DLG2: variants seen among roughly 807,000 people sequenced by gnomAD.
DLG2 encodes the protein disks large homolog 2.
A neutral mutation model predicts 132.5 loss-of-function variants in DLG2; 45 were observed. The observed-to-expected ratio is 0.34, with a 90% CI of 0.27 to 0.44. DLG2 has a LOEUF of 0.44. Ranked by LOEUF, DLG2 falls within the 20% of genes least tolerant of loss-of-function variation. The pLI is 1.00. For synonymous variants in DLG2, 424 were observed against 419.6 expected, an observed-to-expected ratio of 1.01 and a Z score of -0.13; for missense variants, 1,045 against 1,196.9, an observed-to-expected ratio of 0.87 and a Z score of 1.87.
chr11:84,376,791 A>C (rs2098731078), intron 7 of DLG2, among the ~76,000 whole-genome samples: 1 of 151,988 alleles, frequency 6.6e-6, no homozygotes, highest in African/African-American at 2.4e-5. Flanking sequence ...AATTAAAAAG[A>C]ATTAAACATC....
chr11:84,356,884 T>C (rs994023809), intron 7 of DLG2, among the ~76,000 whole-genome samples: 4 of 152,002 alleles, frequency 2.6e-5, no homozygotes, highest in African/African-American at 9.7e-5. Flanking sequence ...GAATGAGTCA[T>C]GTGAATATTT....
At chr11:83,676,633 A>G (rs1191716489) in intron 18 of DLG2, among the ~76,000 whole-genome samples, 1 of 152,200 alleles carries the variant, frequency 6.6e-6, no homozygotes, top group Non-Finnish European at 1.5e-5. Flanking sequence ...AGGAATTGCT[A>G]TGTCTGCTTT....
chr11:85,307,824 T>TAA (rs1329355296), intron 3 of DLG2, among the ~76,000 whole-genome samples: 4 of 152,152 alleles, frequency 2.6e-5, no homozygotes, highest in African/African-American at 9.7e-5. Flanking sequence ...ATATTAGACT[T>TAA]ACAATGTTTT....
chr11:83,483,872 G>A (rs1339577833), intron 22 of DLG2, among the ~76,000 whole-genome samples: 2 of 152,104 alleles, frequency 1.3e-5, no homozygotes, highest in East Asian at 3.9e-4. Flanking sequence ...ACCCAGTCCT[G>A]GTCAAAGATA....
At chr11:85,197,554 T>C (rs2081162455) in intron 4 of DLG2, among the ~76,000 whole-genome samples, 1 of 152,228 alleles carries the variant, frequency 6.6e-6, no homozygotes, top group Non-Finnish European at 1.5e-5. Context: ...ATCACCTTAA[T>C]TTATATTTTC....
intron 3 of DLG2, among the ~76,000 whole-genome samples, chr11:85,549,713 A>G (rs1339911380): frequency 6.6e-6 from 1 of 152,170 alleles, no homozygotes; most frequent in Non-Finnish European, 1.5e-5. Flanking sequence ...GTTGCAAGAA[A>G]GAAGCTGATC....
intron 6 of DLG2, among the ~76,000 whole-genome samples, chr11:84,784,408 G>A (rs1044674552): frequency 8.6e-5 from 13 of 151,170 alleles, no homozygotes; most frequent in Non-Finnish European, 1.5e-4. Context: ...AACATTGTCC[G>A]TGGAGTCAGA....
intron 6 of DLG2, among the ~76,000 whole-genome samples, chr11:85,023,181 A>C (rs1762113423): frequency 6.6e-6 from 1 of 152,092 alleles, no homozygotes; most frequent in Non-Finnish European, 1.5e-5. Context: ...CTTTATTTGT[A>C]TTAGTCCCTA....
chr11:85,457,584 C>G (rs887836974), intron 3 of DLG2, among the ~76,000 whole-genome samples: 3 of 152,140 alleles, frequency 2.0e-5, no homozygotes, highest in Non-Finnish European at 4.4e-5. Flanking sequence ...AATGGTCTTT[C>G]TTTTCCATAT....
intron 6 of DLG2, among the ~76,000 whole-genome samples, chr11:84,952,504 G>A (rs531581262): frequency 2.7e-5 from 4 of 150,540 alleles, no homozygotes; most frequent in South Asian, 2.1e-4. Context: ...GCGACAGAAC[G>A]AGACTCCGTC....
chr11:84,786,362 G>C (rs913147710), intron 6 of DLG2, among the ~76,000 whole-genome samples: 1 of 152,068 alleles, frequency 6.6e-6, no homozygotes, highest in Non-Finnish European at 1.5e-5. Context: ...ATAAACCACA[G>C]ATATATAGAA....
chr11:83,903,566 C>T (rs2074014869), intron 15 of DLG2, among the ~76,000 whole-genome samples: 1 of 152,092 alleles, frequency 6.6e-6, no homozygotes, highest in Non-Finnish European at 1.5e-5. Flanking sequence ...TAAACCTTTG[C>T]AATCAGGCTA....
At chr11:83,462,825 T>A (rs991257278) in intron 26 of DLG2, among the ~76,000 whole-genome samples, 48 of 152,308 alleles carry the variant, frequency 3.2e-4, no homozygotes, top group African/African-American at 1.0e-3. Flanking sequence ...AAATTTTTTT[T>A]AAAAGGCTCA....
intron 6 of DLG2, among the ~76,000 whole-genome samples, chr11:84,951,337 T>C (rs542177756): frequency 3.9e-5 from 6 of 152,270 alleles, no homozygotes; most frequent in African/African-American, 1.4e-4. Context: ...GTATTAAAAA[T>C]ATGAACTTCA....
At chr11:83,810,527 T>G (rs1245200995) in intron 17 of DLG2, among the ~76,000 whole-genome samples, 1 of 152,090 alleles carries the variant, frequency 6.6e-6, no homozygotes, top group Non-Finnish European at 1.5e-5. Flanking sequence ...TGTGTCATCA[T>G]TTAGCTTTGG....
chr11:83,467,818 CACAT>C (rs1243559636), intron 25 of DLG2, among the ~76,000 whole-genome samples: 2 of 117,812 alleles, frequency 1.7e-5, no homozygotes, highest in African/African-American at 6.7e-5. Flanking sequence ...TATACACACA[CACAT>C]ATAAAATATA....
intron 10 of DLG2, among the ~76,000 whole-genome samples, chr11:84,064,679 G>A (rs2096644319): frequency 6.6e-6 from 1 of 152,138 alleles, no homozygotes. Flanking sequence ...ATTTGCATAA[G>A]AGAATATATA....
chr11:85,073,383 T>C (rs1376940574), intron 6 of DLG2, among the ~76,000 whole-genome samples: 1 of 151,886 alleles, frequency 6.6e-6, no homozygotes, highest in African/African-American at 2.4e-5. Flanking sequence ...TTTTAACAAG[T>C]TCTTAACCTT....
chr11:84,925,931 C>T (rs2092961266), intron 6 of DLG2, among the ~76,000 whole-genome samples: 1 of 152,056 alleles, frequency 6.6e-6, no homozygotes, highest in African/African-American at 2.4e-5. Context: ...ATACAGGAGC[C>T]TGAAGCCATG....
Sources: gnomAD v4.1 joint callset for allele counts (sites outside exome capture counted in the v4.1 genomes callset) on GRCh38, gnomAD v4.1.1 for gene constraint, MANE v1.5 for transcripts, NCBI Gene and HGNC (gene_info 2026-07-23, HGNC 2026-07-21) for gene names.